Variants in SLC26A2 observed in about 807,000 individuals in gnomAD.
SLC26A2 encodes solute carrier family 26 member 2.
In SLC26A2, 36 loss-of-function variants were observed where a neutral mutation model predicts 41.1. The observed-to-expected ratio is 0.88, with a 90% CI of 0.67 to 1.16. The LOEUF is 1.16. SLC26A2 is among the 50% of genes most tolerant of loss of function. The probability of loss-of-function intolerance (pLI) is 0.00; values close to 1 mark genes in which losing one functional copy is unlikely to be tolerated. For synonymous variants in SLC26A2, 291 were observed against 311.6 expected (o/e 0.93, Z 0.70); for missense variants, 796 against 869.6 (o/e 0.92, Z 1.07).
chr5:149,979,991 G>GAA (rs11450678), intron 2 of SLC26A2, among the ~76,000 whole-genome samples: 7 of 147,256 alleles, frequency 4.8e-5, no homozygotes, highest in South Asian at 4.3e-4. Flanking sequence ...TGGGAAGAAT[G>GAA]AAAAAAAAAA....
At chr5:149,963,369 C>T (rs1754746853) in intron 1 of SLC26A2, among the ~76,000 whole-genome samples, 1 of 151,902 alleles carries the variant, frequency 6.6e-6, no homozygotes, top group Non-Finnish European at 1.5e-5. Context: ...ACCTCTGCCT[C>T]CCAGGTTCAG....
Position 149,980,474 on chromosome 5 carries a change from T to C in SLC26A2, c.881T>C (p.Phe294Ser). 1 of 1,614,098 alleles carries C rather than the reference T, an allele frequency of 6.2e-7. No individual in the cohort carries two copies. The highest frequency in any genetic ancestry group is 1.6e-4 in the Middle Eastern group (1 of 6,062). The change falls in exon 3 of 3, where the codon TTC (phenylalanine) becomes TCC (serine). Residue 294 changes from phenylalanine (F) to serine (S), a missense_variant. Coordinates refer to ENST00000286298, the MANE Select transcript of SLC26A2 (RefSeq NM_000112.4). ...GSLITTWIHVFRNIHKTNLCD... is the reference protein window; with the variant it reads ...GSLITTWIHVSRNIHKTNLCD... ...CTCATCACTACCTGGATACATGTCTTCAGAAACATCCATAAGACCAATCTC... is the reference window on the plus strand; with the variant it reads ...CTCATCACTACCTGGATACATGTCTCCAGAAACATCCATAAGACCAATCTC...
intron 2 of SLC26A2, among the ~76,000 whole-genome samples, chr5:149,978,934 T>C (rs922056599): frequency 6.6e-6 from 1 of 151,848 alleles, no homozygotes; most frequent in Admixed American, 6.6e-5. Flanking sequence ...CCCAGGCTGG[T>C]TTCAAACTCC....
In SLC26A2 at chr5:149,980,438, G is replaced by A; in HGVS notation, c.845G>A (p.Gly282Asp). The change falls in exon 3 of 3, where the codon GGT becomes GAT. Residue 282 changes from glycine to aspartate, a missense_variant. Coordinates refer to ENST00000286298, the MANE Select transcript of SLC26A2 (RefSeq NM_000112.4). ...GGGCTCAACCTTCCTCGGACTAATG[G>A]TGTGGGCTCACTCATCACTACCTGG... Reference protein sequence around the residue: ...LLGLNLPRTNGVGSLITTWIH... With the variant: ...LLGLNLPRTNDVGSLITTWIH... 6.2e-7 allele frequency: 1 copy of A among 1,614,016 alleles called. No individual in the cohort carries two copies. Among genetic ancestry groups the A allele is most frequent in the Non-Finnish European group, 8.5e-7 (1 of 1,180,018 alleles).
rs1057517530 is a variant in SLC26A2, at chr5:149,981,398, AAACT to A, written c.1806_1809del (p.Thr603SerfsTer5). The A allele has an allele frequency of 6.2e-7, 1 of 1,614,156 alleles. No homozygotes were observed. The highest frequency in any genetic ancestry group is 8.5e-7 in the Non-Finnish European group (1 of 1,180,016). On this transcript the variant is annotated frameshift_variant, in exon 3 of 3. Transcript: ENST00000286298. LOFTEE classifies it high-confidence loss of function. ...TGCTTTAAATCTGCTTTATACAAAC[AAACT>A]GTCAACCCAATCTTAATAAAGGTGG... is the stretch of plus-strand genomic sequence containing the variant.
chr5:149,979,318 T>C (rs1355139072), intron 2 of SLC26A2, among the ~76,000 whole-genome samples: 14 of 152,150 alleles, frequency 9.2e-5, no homozygotes, highest in Non-Finnish European at 1.6e-4. Context: ...TAGCTCACTT[T>C]AGTTGGTGCT....
Position 149,986,221 on chromosome 5 carries a change from T to G in SLC26A2, c.*4408T>G, listed in dbSNP as rs565621168. 3 of 152,070 alleles carry G rather than the reference T, an allele frequency of 2.0e-5. No individual in the cohort carries two copies. The South Asian group carries it at 6.2e-4, about 32-fold the overall frequency. The allele number at this position is 152,070 out of a possible 1,614,324, so 9.4% of individuals were successfully genotyped here. A position where few individuals can be genotyped will look rare whatever the true frequency, so the allele number is the denominator to read the frequency against. On this transcript the variant is annotated 3_prime_UTR_variant, in exon 3 of 3. Transcript: ENST00000286298. The stretch of plus-strand genomic sequence containing the variant: ...AATAAAAAGAAAAAATTAAAAAGAA[T>G]CAGTTTTTTTAATTAAAAAAATAGA...
intron 1 of SLC26A2, among the ~76,000 whole-genome samples, chr5:149,974,420 T>C (rs1754956631): frequency 6.6e-6 from 1 of 151,014 alleles, no homozygotes; most frequent in Admixed American, 6.6e-5. Flanking sequence ...TTATATATTA[T>C]ATATATATGT....
intron 1 of SLC26A2, among the ~76,000 whole-genome samples, chr5:149,973,863 T>G (rs1228580249): frequency 6.6e-6 from 1 of 152,080 alleles, no homozygotes; most frequent in Non-Finnish European, 1.5e-5. Context: ...ATTTCTGGGG[T>G]CAGATGTGGT....
At chr5:149,961,988 T>G (rs907857511) in intron 1 of SLC26A2, 3 of 152,256 alleles carry the variant, frequency 2.0e-5, no homozygotes, top group Non-Finnish European at 4.4e-5. Flanking sequence ...TACCCCATTT[T>G]ACAGGTCAGA....
chr5:149,981,195 GGTTT>G lies in SLC26A2; in HGVS notation c.1607_1610del (p.Cys536PhefsTer48), dbSNP rs769657401. 2 of 1,613,884 alleles carry G rather than the reference GGTTT, an allele frequency of 1.2e-6. No individual in the cohort carries two copies. The highest frequency in any genetic ancestry group is 1.3e-5 in the African/African-American group (1 of 74,878). On this transcript the variant is annotated frameshift_variant, in exon 3 of 3. Coordinates refer to ENST00000286298, the MANE Select transcript of SLC26A2 (RefSeq NM_000112.4). LOFTEE classifies it high-confidence loss of function. ...GTACTGAAATAGGCCTACTTGTTGG[GGTTT>G]GTTTTTCTATATTTTGTGTCATCCT... is the stretch of plus-strand genomic sequence containing the variant.
Position 149,978,091 on chromosome 5 carries a change from G to T in SLC26A2, c.439G>T (p.Ala147Ser), listed in dbSNP as rs201012489. 32 of 1,598,100 alleles carry T rather than the reference G, an allele frequency of 2.0e-5. No individual in the cohort carries two copies. The Admixed American group carries it at 5.4e-4, about 27-fold the overall frequency. Residue 147 changes from alanine (A) to serine (S), a missense_variant, in exon 2 of 3, where the codon GCC becomes TCC. Ala to Ser is a moderately conservative substitution (Grantham distance 99, BLOSUM62 1). Transcript: ENST00000286298. ...CTATGGTCTGTACACATCTTTTTTTGCCAGCATCATTTATTTTCTCTTGGG... is the reference window on the plus strand; with the variant it reads ...CTATGGTCTGTACACATCTTTTTTTTCCAGCATCATTTATTTTCTCTTGGG... ...PVYGLYTSFF[A>S]SIIYFLLGTS...
At position 149,981,266 on chromosome 5, in the gene SLC26A2, A is replaced by G; in HGVS notation, c.1673A>G (p.Glu558Gly). ...KPKSSLLGLV[E>G]ESEVFESVSA... is the part of the protein sequence containing the mutation. ...AAGAGTTCACTGCTTGGCTTGGTGG[A>G]AGAGTCTGAGGTCTTTGAATCTGTG... The change falls in exon 3 of 3, where the codon GAA (glutamate) becomes GGA (glycine). Residue 558 changes from glutamate (E) to glycine (G), a missense_variant. Transcript: ENST00000286298. 1.2e-6 allele frequency: 2 copies of G among 1,614,168 alleles called. No homozygotes were observed. The highest frequency in any genetic ancestry group is 1.1e-5 in the South Asian group (1 of 91,084).
In SLC26A2 at chr5:149,977,880, G is replaced by A. The variant is rs2113695768; in HGVS notation, c.228G>A (p.Lys76=). Residue 76 remains lysine (K), a synonymous_variant, in exon 2 of 3, where the codon AAG becomes AAA. Transcript: ENST00000286298. ...FKEFVIKKLQ[K]NCQCSPAKAK... is the part of the protein sequence containing the mutation. ...AGTTTGTTATTAAAAAGCTGCAGAA[G>A]AATTGCCAGTGCAGTCCAGCCAAAG... The A allele has an allele frequency of 6.2e-7, 1 of 1,614,202 alleles. No individual in the cohort carries two copies. Among genetic ancestry groups the A allele is most frequent in the Non-Finnish European group, 8.5e-7 (1 of 1,180,022 alleles).
At chr5:149,961,332 T>C (rs561458375) in intron 1 of SLC26A2, among the ~76,000 whole-genome samples, 1 of 152,296 alleles carries the variant, frequency 6.6e-6, no homozygotes, top group South Asian at 2.1e-4. Flanking sequence ...ATCGAGGAGA[T>C]AGGAGCCACC....
At chr5:149,979,661 G>A (rs1356058654) in intron 2 of SLC26A2, among the ~76,000 whole-genome samples, 1 of 152,154 alleles carries the variant, frequency 6.6e-6, no homozygotes, top group Non-Finnish European at 1.5e-5. Flanking sequence ...TTATTAATAT[G>A]GGAGACAGTG....
chr5:149,968,433 CAG>C (rs138181236), intron 1 of SLC26A2, among the ~76,000 whole-genome samples: 11,049 of 152,018 alleles, frequency 0.073, 487 homozygotes, highest in Non-Finnish European at 0.1. Context: ...ATTTTTTAGA[CAG>C]AGTCTCGCTC....
intron 1 of SLC26A2, among the ~76,000 whole-genome samples, chr5:149,963,588 A>AT (rs1344287461): frequency 6.6e-6 from 1 of 150,572 alleles, no homozygotes; most frequent in Non-Finnish European, 1.5e-5. Flanking sequence ...AATTTTTTGT[A>AT]TTTTTTAGTA....
rs562899514 is a variant in SLC26A2, at chr5:149,965,337, G to A, written c.-26+4358G>A. On this transcript the variant is annotated intron_variant, in intron 1 of 2. Coordinates refer to ENST00000286298, the MANE Select transcript of SLC26A2 (RefSeq NM_000112.4). ...TCTACTAAAAATACAAAAATTAGCC[G>A]GGCATGGTGGCAGGCGCCTGTAGTC... Among the ~76,000 whole-genome samples the A allele has an allele frequency of 1.4e-4, 22 of 151,874 alleles. No homozygotes were observed. The South Asian group carries it at 2.3e-3, about 16-fold the overall frequency.
Sources: gnomAD v4.1 joint callset for allele counts (sites outside exome capture counted in the v4.1 genomes callset) on GRCh38, gnomAD v4.1.1 for gene constraint, MANE v1.5 for transcripts, NCBI Gene and HGNC (gene_info 2026-07-23, HGNC 2026-07-21) for gene names.